Variants in THADA observed in about 807,000 individuals in gnomAD.
The protein encoded by THADA is tRNA (32-2'-O)-methyltransferase regulator THADA.
In THADA, 213 loss-of-function variants were observed where a neutral mutation model predicts 219.8. The ratio of observed to expected loss-of-function variants is 0.97; its 90% confidence interval spans 0.87 to 1.09. The LOEUF is 1.09. Ranked by LOEUF, THADA falls within the 50% of genes least tolerant of loss-of-function variation. The pLI is 0.00. For synonymous variants in THADA, 1,018 were observed against 828.9 expected, an observed-to-expected ratio of 1.23 and a Z score of -3.92; for missense variants, 2,956 against 2,311.3, an observed-to-expected ratio of 1.28 and a Z score of -5.72.
At chr2:43,386,357 A>G (rs1229718274) in intron 29 of THADA, among the ~76,000 whole-genome samples, 1 of 152,158 alleles carries the variant, frequency 6.6e-6, no homozygotes. Context: ...TGTCCAAAAC[A>G]GAGAGCCTTC....
intron 29 of THADA, among the ~76,000 whole-genome samples, chr2:43,389,905 T>C (rs187983326): frequency 6.6e-6 from 1 of 152,318 alleles, no homozygotes; most frequent in African/African-American, 2.4e-5. Flanking sequence ...TGTAATTGTC[T>C]GCAGTGTCAA....
chr2:43,419,611 G>A (rs1192938560), intron 28 of THADA, among the ~76,000 whole-genome samples: 1 of 151,918 alleles, frequency 6.6e-6, no homozygotes, highest in Non-Finnish European at 1.5e-5. Context: ...ACACATTTTT[G>A]ATCTAAAATG....
intron 25 of THADA, among the ~76,000 whole-genome samples, chr2:43,494,236 C>T (rs1687993033): frequency 6.6e-6 from 1 of 152,200 alleles, no homozygotes; most frequent in Admixed American, 6.5e-5. Flanking sequence ...CATGGTCTGG[C>T]TAGAAGATGC....
chr2:43,588,158 T>C (rs1701197332), intron 4 of THADA, among the ~76,000 whole-genome samples: 1 of 152,156 alleles, frequency 6.6e-6, no homozygotes, highest in Non-Finnish European at 1.5e-5. Flanking sequence ...TAAGGTGGCA[T>C]TCCAAATATG....
intron 26 of THADA, among the ~76,000 whole-genome samples, chr2:43,448,162 T>G (rs1681824566): frequency 6.6e-6 from 1 of 152,226 alleles, no homozygotes; most frequent in Admixed American, 6.5e-5. Context: ...ACTAGGAACC[T>G]GTGTTCTCAC....
intron 17 of THADA, among the ~76,000 whole-genome samples, chr2:43,554,923 AC>A: frequency 6.6e-6 from 1 of 152,256 alleles, no homozygotes; most frequent in East Asian, 1.9e-4. Flanking sequence ...TACTTTGAAC[AC>A]CCCAAATGTG....
At chr2:43,299,182 TAAA>T (rs60496612) in intron 31 of THADA, among the ~76,000 whole-genome samples, 2 of 147,066 alleles carry the variant, frequency 1.4e-5, no homozygotes, top group African/African-American at 2.5e-5. Context: ...TGCAAATATT[TAAA>T]AAAAAAAAAC....
chr2:43,404,355 G>A (rs1215827572), intron 28 of THADA, among the ~76,000 whole-genome samples: 1 of 150,712 alleles, frequency 6.6e-6, no homozygotes, highest in Non-Finnish European at 1.5e-5. Flanking sequence ...ACCAGGCCTA[G>A]CTAATTTTCT....
chr2:43,526,857 C>T (rs1302592775), intron 22 of THADA, among the ~76,000 whole-genome samples: 1 of 152,072 alleles, frequency 6.6e-6, no homozygotes, highest in African/African-American at 2.4e-5. Context: ...AAGCACACTG[C>T]TGGTATTCAT....
intron 29 of THADA, among the ~76,000 whole-genome samples, chr2:43,383,328 C>G (rs1672260820): frequency 1.3e-5 from 2 of 152,186 alleles, no homozygotes. Context: ...TCCCTGCCGT[C>G]CATGAGTTCA....
chr2:43,490,723 T>C lies in THADA; in HGVS notation c.3745-5398A>G, dbSNP rs557996099. Among the ~76,000 whole-genome samples the C allele has an allele frequency of 1.4e-3, 212 of 152,246 alleles. 1 individual carries two copies. The highest frequency in any genetic ancestry group is 4.8e-3 in the African/African-American group (201 of 41,560). ...CACATTCACTTAACTTTTATTATGGTCTATTGTTATAATTGTTATCTCTTA... is the reference window on the plus strand; with the variant it reads ...CACATTCACTTAACTTTTATTATGGCCTATTGTTATAATTGTTATCTCTTA... On this transcript the variant is annotated intron_variant, in intron 25 of 37. Coordinates refer to ENST00000405975, the MANE Select transcript of THADA (RefSeq NM_022065.5).
chr2:43,232,962 A>C (rs536152955), intron 36 of THADA, 80 bp from the exon 37 acceptor site: 30 of 1,447,280 alleles, frequency 2.1e-5, no homozygotes, highest in Non-Finnish European at 2.7e-5. Flanking sequence ...CCCTGGGAAC[A>C]ATAAAGGCCT....
intron 26 of THADA, among the ~76,000 whole-genome samples, chr2:43,479,497 C>T (rs1272531111): frequency 2.6e-5 from 4 of 152,028 alleles, no homozygotes; most frequent in Non-Finnish European, 5.9e-5. Context: ...CATAAGCACA[C>T]ACTCTAGAGA....
Position 43,516,957 on chromosome 2 carries a change from G to T in THADA, c.3375-8177C>A, listed in dbSNP as rs1282544157. Among the ~76,000 whole-genome samples, 4 of 152,080 alleles carry T rather than the reference G, an allele frequency of 2.6e-5. No individual in the cohort carries two copies. In the South Asian group the frequency reaches 8.3e-4, roughly 32 times the overall value. On this transcript the variant is annotated intron_variant, in intron 22 of 37. Transcript: ENST00000405975. ...TGTGGCTTTGGAATGTATTACCAGA[G>T]AATACAATTTTTAAGATATTAACTT...
rs186386043 is a variant in THADA at position 43,585,454 on chromosome 2, G to C, written c.533+947C>G. Among the ~76,000 whole-genome samples, 574 of 151,916 alleles carry C rather than the reference G, an allele frequency of 3.8e-3. 7 individuals are homozygous for C. Among genetic ancestry groups the C allele is most frequent in the African/African-American group, 0.013 (556 of 41,388 alleles). ...TATCACTTGAACCCAGGGAGGTAGA[G>C]GTGCAGTGAGCCAAGATTGTACCAC... On this transcript the variant is annotated intron_variant, in intron 7 of 37. Coordinates refer to ENST00000405975, the MANE Select transcript of THADA (RefSeq NM_022065.5).
At chr2:43,329,707 A>G (rs1679739121) in intron 30 of THADA, among the ~76,000 whole-genome samples, 1 of 152,230 alleles carries the variant, frequency 6.6e-6, no homozygotes, top group Non-Finnish European at 1.5e-5. Flanking sequence ...AACAAATTGT[A>G]TCTATGTGTC....
chr2:43,569,117 G>A (rs909263595), intron 14 of THADA, among the ~76,000 whole-genome samples: 8 of 151,958 alleles, frequency 5.3e-5, no homozygotes, highest in African/African-American at 1.7e-4. Flanking sequence ...GAACACAGGT[G>A]CACACCACCA....
rs764407245 is a variant in THADA at position 43,549,283 on chromosome 2, T to C, written c.3033A>G (p.Lys1011=). Reference sequence around the variant, plus strand: ...CCTTCATATCAAAGCTATCATGTTCTTTCAATATTTTGGCTTGGTTAAAAT... The same window carrying C: ...CCTTCATATCAAAGCTATCATGTTCCTTCAATATTTTGGCTTGGTTAAAAT... The part of the protein sequence containing the change: ...NDYFNQAKIL[K]EHDSFDMKDL... Residue 1011 remains lysine (K), a synonymous_variant, in exon 20 of 38, where the codon AAA becomes AAG. Transcript: ENST00000405975. The C allele has an allele frequency of 6.3e-7, 1 of 1,598,098 alleles. No individual in the cohort carries two copies. Among genetic ancestry groups the C allele is most frequent in the East Asian group, 2.2e-5 (1 of 44,824 alleles).
intron 36 of THADA, among the ~76,000 whole-genome samples, chr2:43,255,400 A>C (rs1670204250): frequency 6.6e-6 from 1 of 152,188 alleles, no homozygotes; most frequent in Non-Finnish European, 1.5e-5. Context: ...GGAGCTGCTG[A>C]GGAATTCTTG....
Sources: gnomAD v4.1 joint callset for allele counts (sites outside exome capture counted in the v4.1 genomes callset) on GRCh38, gnomAD v4.1.1 for gene constraint, MANE v1.5 for transcripts, NCBI Gene and HGNC (gene_info 2026-07-23, HGNC 2026-07-21) for gene names.